The following PLPPR5 variants were observed in gnomAD, a reference collection of about 807,000 sequenced individuals.
PLPPR5 encodes phospholipid phosphatase-related protein type 5.
PLPPR5 carries 16 observed loss-of-function variants against 33.9 expected under a neutral mutation model. That is an observed-to-expected ratio of 0.47 (90% CI 0.32 to 0.72). The LOEUF (loss-of-function observed/expected upper bound fraction) is 0.72, where lower values mean the gene tolerates loss of function less well. PLPPR5 is among the 30% of genes least tolerant of loss of function. PLPPR5 has a pLI of 0.03. For missense variants in PLPPR5, 301 were observed against 406.7 expected, an observed-to-expected ratio of 0.74 and a Z score of 2.23; for synonymous variants, 163 against 150.3, an observed-to-expected ratio of 1.08 and a Z score of -0.62.
chr1:99,002,671 A>T (rs1437096454), intron 1 of PLPPR5, among the ~76,000 whole-genome samples: 1 of 152,042 alleles, frequency 6.6e-6, no homozygotes, highest in African/African-American at 2.4e-5. Flanking sequence ...CATCCAAATC[A>T]TTGGGTGAGT....
intron 4 of PLPPR5, among the ~76,000 whole-genome samples, chr1:98,918,383 T>C (rs1180527251): frequency 6.6e-6 from 1 of 152,238 alleles, no homozygotes; most frequent in Non-Finnish European, 1.5e-5. Context: ...TTGTTGTATA[T>C]GATAACATGA....
At chr1:98,978,674 G>A (rs1651951663) in intron 1 of PLPPR5, among the ~76,000 whole-genome samples, 1 of 151,980 alleles carries the variant, frequency 6.6e-6, no homozygotes, top group Admixed American at 6.6e-5. Flanking sequence ...TTCTGCAAAA[G>A]GGTAATGATA....
intron 5 of PLPPR5, among the ~76,000 whole-genome samples, chr1:98,896,974 G>A (rs1172663621): frequency 6.6e-5 from 10 of 152,008 alleles, no homozygotes; most frequent in Admixed American, 6.6e-4. Context: ...TGCAAAAAGG[G>A]CACTCCAGGG....
At chr1:98,929,447 G>A (rs796552283) in intron 3 of PLPPR5, among the ~76,000 whole-genome samples, 5 of 152,126 alleles carry the variant, frequency 3.3e-5, no homozygotes, top group African/African-American at 1.2e-4. Context: ...ATCCTTAATG[G>A]GTACCTAACA....
chr1:98,938,189 T>A (rs1650242377), intron 3 of PLPPR5, among the ~76,000 whole-genome samples: 2 of 152,044 alleles, frequency 1.3e-5, no homozygotes, highest in Non-Finnish European at 2.9e-5. Context: ...AGCATAGTAA[T>A]TGTAAAAATG....
intron 5 of PLPPR5, among the ~76,000 whole-genome samples, chr1:98,899,922 T>A (rs1164586728): frequency 1.3e-5 from 2 of 152,176 alleles, no homozygotes; most frequent in Non-Finnish European, 2.9e-5. Context: ...ATTTGGTGGA[T>A]ATGGGTATCC....
intron 1 of PLPPR5, among the ~76,000 whole-genome samples, chr1:99,003,526 C>G (rs1316681437): frequency 2.0e-5 from 3 of 152,008 alleles, no homozygotes. Context: ...TAAAGAAACA[C>G]CAACAATTCT....
At chr1:98,956,159 C>T (rs181973174) in intron 2 of PLPPR5, among the ~76,000 whole-genome samples, 48 of 152,172 alleles carry the variant, frequency 3.2e-4, no homozygotes, top group African/African-American at 1.0e-3. Flanking sequence ...TATCACCACC[C>T]TCCCACTAAG....
In PLPPR5 at chr1:98,892,993, TCAAA is replaced by T. The variant is rs1166204701; in HGVS notation, c.*75_*78del. 6 of 1,357,562 alleles carry T rather than the reference TCAAA, an allele frequency of 4.4e-6. No individual in the cohort carries two copies. The highest frequency in any genetic ancestry group is 6.2e-6 in the Non-Finnish European group (6 of 966,648). 84.1% of individuals were successfully genotyped at this position (1,357,562 alleles called of 1,614,324 possible). On this transcript the variant is annotated 3_prime_UTR_variant, in exon 6 of 6. Transcript: ENST00000263177. ...ACAACTTTATAAACTTCACTTGCAA[TCAAA>T]CAAACTTTGGGTGTTATGAATGGAT... is the stretch of plus-strand genomic sequence containing the variant.
At position 98,963,862 on chromosome 1, in the gene PLPPR5, A is replaced by G. The variant is rs1178856304; in HGVS notation, c.238-7121T>C. 2.6e-5 allele frequency among the ~76,000 whole-genome samples: 4 copies of G among 152,222 alleles called. No individual in the cohort carries two copies. In the East Asian group the frequency reaches 7.7e-4, roughly 29 times the overall value. ...TCCTGATCCTATTAACACACAAGCC[A>G]GTCTTCCAACAAATACCAAAAACAT... On this transcript the variant is annotated intron_variant, in intron 1 of 5. Transcript: ENST00000263177.
intron 3 of PLPPR5, among the ~76,000 whole-genome samples, chr1:98,932,201 A>G (rs1001665961): frequency 3.3e-5 from 5 of 152,242 alleles, no homozygotes; most frequent in African/African-American, 1.2e-4. Context: ...TCGTGGAAAC[A>G]CTGTACCTCA....
At chr1:98,983,058 G>A (rs1432843581) in intron 1 of PLPPR5, among the ~76,000 whole-genome samples, 2 of 150,370 alleles carry the variant, frequency 1.3e-5, no homozygotes, top group Admixed American at 1.3e-4. Flanking sequence ...GTTGCAGTAA[G>A]TGCTTATTAC....
At chr1:98,904,485 T>C (rs968380940) in intron 5 of PLPPR5, among the ~76,000 whole-genome samples, 14 of 152,192 alleles carry the variant, frequency 9.2e-5, no homozygotes, top group Admixed American at 7.2e-4. Flanking sequence ...TATCCCATTT[T>C]CTATCAAATC....
intron 3 of PLPPR5, among the ~76,000 whole-genome samples, chr1:98,949,660 A>G (rs1650703240): frequency 1.3e-5 from 2 of 152,184 alleles, no homozygotes; most frequent in South Asian, 4.1e-4. Flanking sequence ...CAACATTCCT[A>G]TTATCAACTT....
At chr1:98,966,578 C>A (rs751070886) in intron 1 of PLPPR5, among the ~76,000 whole-genome samples, 5 of 152,034 alleles carry the variant, frequency 3.3e-5, no homozygotes, top group Non-Finnish European at 5.9e-5. Flanking sequence ...GATGTGGCAA[C>A]CAGGAAGCCC....
Position 98,935,139 on chromosome 1 carries a change from G to A in PLPPR5, c.622-13081C>T, listed in dbSNP as rs182164958. 7.4e-3 allele frequency among the ~76,000 whole-genome samples: 1,129 copies of A among 152,232 alleles called. 8 individuals are homozygous for A. The highest frequency in any genetic ancestry group is 0.012 in the Non-Finnish European group (840 of 68,022). ...CAGTGCAAAATGAAAATGAATGACAGACCTGTTTTTCAAAAATCATTACAA... is the reference window on the plus strand; with the variant it reads ...CAGTGCAAAATGAAAATGAATGACAAACCTGTTTTTCAAAAATCATTACAA... On this transcript the variant is annotated intron_variant, in intron 3 of 5. Transcript: ENST00000263177.
chr1:98,920,387 A>G (rs911872354), intron 4 of PLPPR5, among the ~76,000 whole-genome samples: 1 of 146,736 alleles, frequency 6.8e-6, no homozygotes, highest in Non-Finnish European at 1.5e-5. Flanking sequence ...TTTTTTAAGG[A>G]TTTATGTAAA....
chr1:98,891,929 G>T lies in PLPPR5; in HGVS notation c.*1143C>A, dbSNP rs940311555. ...AAACTTGAATTTAAGCTTCAACTAT[G>T]TCTCTTACTAGTTTGTGATTTGGCA... On this transcript the variant is annotated 3_prime_UTR_variant, in exon 6 of 6. Transcript: ENST00000263177. 2.0e-5 allele frequency: 3 copies of T among 151,820 alleles called. No individual in the cohort carries two copies. In the South Asian group the frequency reaches 6.2e-4, roughly 32 times the overall value. The allele number at this position is 151,820 out of a possible 1,614,324, so 9.4% of individuals were successfully genotyped here. A position where few individuals can be genotyped will look rare whatever the true frequency, so the allele number is the denominator to read the frequency against.
intron 3 of PLPPR5, among the ~76,000 whole-genome samples, chr1:98,944,005 AG>A (rs550719673): frequency 4.7e-4 from 71 of 152,338 alleles, no homozygotes; most frequent in African/African-American, 1.7e-3. Flanking sequence ...CTAAGGAGAT[AG>A]AGATAGTTTG....
Sources: gnomAD v4.1 joint callset for allele counts (sites outside exome capture counted in the v4.1 genomes callset) on GRCh38, gnomAD v4.1.1 for gene constraint, MANE v1.5 for transcripts, NCBI Gene and HGNC (gene_info 2026-07-23, HGNC 2026-07-21) for gene names.